Variants in PIK3R3 observed in about 807,000 individuals in gnomAD.
The protein encoded by PIK3R3 is phosphatidylinositol 3-kinase regulatory subunit gamma.
PIK3R3 carries 64 observed loss-of-function variants against 62.9 expected under a neutral mutation model. The ratio of observed to expected loss-of-function variants is 1.02; its 90% CI spans 0.83 to 1.25. The LOEUF (loss-of-function observed/expected upper bound fraction) is 1.25, where lower values mean the gene tolerates loss of function less well. Ranked by LOEUF, PIK3R3 falls within the 50% of genes most tolerant of loss-of-function variation. PIK3R3 has a pLI of 0.00. For synonymous variants in PIK3R3, 165 were observed against 189.0 expected (o/e 0.87, Z 1.04); for missense variants, 614 against 561.6 (o/e 1.09, Z -0.94).
chr1:46,140,170 T>A, the PIK3R3 span, among the ~76,000 whole-genome samples: 1 of 152,134 alleles, frequency 6.6e-6, no homozygotes, highest in East Asian at 1.9e-4. Flanking sequence ...TTATTTTTAT[T>A]TTTTGTAGAG....
the PIK3R3 span, among the ~76,000 whole-genome samples, chr1:46,146,078 C>T: frequency 6.6e-6 from 1 of 152,198 alleles, no homozygotes; most frequent in East Asian, 1.9e-4. Context: ...CCCTCTTTTT[C>T]ATGTCTAACG....
At chr1:46,045,616 G>GTTTTTTTTTTTTTTTTTTTT (rs1357786582) in intron 9 of PIK3R3, among the ~76,000 whole-genome samples, 1 of 16,532 alleles carries the variant, frequency 6.0e-5, no homozygotes, top group Non-Finnish European at 1.2e-4. Context: ...ACAATTAAGT[G>GTTTTTTTTTTTTTTTTTTTT]CTTTTTTTTT....
rs1211152492 is a variant in PIK3R3, at chr1:46,042,994, T to A, written c.*679A>T. 9.1e-6 allele frequency: 2 copies of A among 220,316 alleles called. No individual in the cohort carries two copies. Among genetic ancestry groups the A allele is most frequent in the Non-Finnish European group, 1.8e-5 (2 of 109,710 alleles). 13.6% of individuals were successfully genotyped at this position (220,316 alleles called of 1,614,324 possible). A position where few individuals can be genotyped will look rare whatever the true frequency, so the allele number is the denominator to read the frequency against. On this transcript the variant is annotated 3_prime_UTR_variant, in exon 10 of 10. Coordinates refer to ENST00000262741, the MANE Select transcript of PIK3R3 (RefSeq NM_003629.4). The surrounding 1 kb of genome is among the most constrained non-coding windows in gnomAD (Gnocchi z 4.3). The stretch of plus-strand genomic sequence containing the variant: ...AGTGCCACGTTTTCCCATCAAACAT[T>A]GGTCTGGCAACAAACTGTTTTGTTG...
chr1:46,061,870 T>C (rs763024173), intron 6 of PIK3R3, 59 bp downstream of exon 6: 72 of 1,501,088 alleles, frequency 4.8e-5, no homozygotes, highest in East Asian at 9.0e-5. Context: ...ACAGAAATTA[T>C]TGGGGAAGAA....
chr1:46,149,351 G>T, the PIK3R3 span, among the ~76,000 whole-genome samples: 1 of 149,688 alleles, frequency 6.7e-6, no homozygotes. Context: ...GAACCCAGGA[G>T]GTAGAGGTTG....
chr1:46,061,971 A>T lies in PIK3R3; in HGVS notation c.722T>A (p.Ile241Asn). The change falls in exon 6 of 10, where the codon ATT becomes AAT. Residue 241 changes from isoleucine (I) to asparagine (N), a missense_variant. Transcript: ENST00000262741. ...HTQEQHSKEYIERFRREGNEK... is the reference protein window; with the variant it reads ...HTQEQHSKEYNERFRREGNEK... ...ATTCCCCTCTCTGCGAAATCGCTCA[A>T]TATATTCTTTGCTATGTTGTTCTTG... The T allele has an allele frequency of 6.2e-7, 1 of 1,613,398 alleles. No individual in the cohort carries two copies. Among genetic ancestry groups the T allele is most frequent in the African/African-American group, 1.3e-5 (1 of 75,034 alleles).
rs1646975289 is a variant in PIK3R3, at chr1:46,040,441, T to A, written c.*3232A>T. On this transcript the variant is annotated 3_prime_UTR_variant, in exon 10 of 10. Transcript: ENST00000262741. Reference sequence around the variant, plus strand: ...GACACATCAAAGACAACAGAATAGATTTTTCACAAGTAACGGCACCAAAGT... The same window carrying A: ...GACACATCAAAGACAACAGAATAGAATTTTCACAAGTAACGGCACCAAAGT... 1 of 230,790 alleles carries A rather than the reference T, an allele frequency of 4.3e-6. No individual in the cohort carries two copies. The highest frequency in any genetic ancestry group is 5.6e-5 in the Admixed American group (1 of 17,714). 14.3% of individuals were successfully genotyped at this position (230,790 alleles called of 1,614,324 possible).
chr1:46,085,999 C>G (rs1445730455), intron 1 of PIK3R3, among the ~76,000 whole-genome samples: 2 of 152,170 alleles, frequency 1.3e-5, no homozygotes, highest in African/African-American at 2.4e-5. Context: ...CTTGGCCTCC[C>G]AAAGTGCTGG....
chr1:46,090,526 G>T (rs1216516099), intron 1 of PIK3R3, among the ~76,000 whole-genome samples: 1 of 151,790 alleles, frequency 6.6e-6, no homozygotes, highest in Non-Finnish European at 1.5e-5. Flanking sequence ...TAGAGATGGG[G>T]GTTTCACCAT....
At chr1:46,143,981 G>A in the PIK3R3 span, among the ~76,000 whole-genome samples, 1 of 152,090 alleles carries the variant, frequency 6.6e-6, no homozygotes, top group Non-Finnish European at 1.5e-5. Context: ...TCATTGTAGT[G>A]GATACTTTTT....
intron 6 of PIK3R3, among the ~76,000 whole-genome samples, chr1:46,060,172 T>C (rs998399154): frequency 4.0e-5 from 6 of 151,470 alleles, no homozygotes; most frequent in African/African-American, 1.5e-4. Context: ...CAAATCCTTT[T>C]CTGTTTCTTC....
chr1:46,158,281 T>C, the PIK3R3 span, among the ~76,000 whole-genome samples: 13 of 152,202 alleles, frequency 8.5e-5, no homozygotes, highest in African/African-American at 2.4e-4. Context: ...CTTAATTAAC[T>C]CACTTTAGAG....
chr1:46,165,677 C>T, the PIK3R3 span, among the ~76,000 whole-genome samples: 2 of 150,304 alleles, frequency 1.3e-5, no homozygotes, highest in East Asian at 3.9e-4. Context: ...CAGGGCCAAA[C>T]CGTAAGTGGT....
chr1:46,068,005 G>A (rs1173290518), intron 3 of PIK3R3, among the ~76,000 whole-genome samples: 2 of 152,150 alleles, frequency 1.3e-5, no homozygotes, highest in African/African-American at 4.8e-5. Flanking sequence ...CAGCACGCAG[G>A]CTTATGCCCC....
rs760298345 is a variant in PIK3R3, at chr1:46,061,917, A to G, written c.764+12T>C. 1.8e-5 allele frequency: 29 copies of G among 1,610,098 alleles called. No individual in the cohort carries two copies. In the Admixed American group the frequency reaches 4.8e-4, roughly 27 times the overall value. On this transcript the variant is annotated intron_variant, in intron 6 of 9. Coordinates refer to ENST00000262741, the MANE Select transcript of PIK3R3 (RefSeq NM_003629.4). ...TCTCACTGATGCCCTTGGAGGTACT[A>G]AGTAGACTTACCGTTCAATCTCCTT...
At chr1:46,174,216 C>T in the PIK3R3 span, among the ~76,000 whole-genome samples, 2 of 152,120 alleles carry the variant, frequency 1.3e-5, no homozygotes, top group South Asian at 4.1e-4. Context: ...TACATGTCTG[C>T]ATGTGTTTGT....
At chr1:46,091,624 T>C (rs924735179) in intron 1 of PIK3R3, among the ~76,000 whole-genome samples, 3 of 152,110 alleles carry the variant, frequency 2.0e-5, no homozygotes, top group African/African-American at 7.2e-5. Context: ...TATTAATTCA[T>C]TGTAATAATC....
chr1:46,083,032 T>C (rs1156304936), intron 1 of PIK3R3, among the ~76,000 whole-genome samples: 5 of 152,126 alleles, frequency 3.3e-5, no homozygotes, highest in African/African-American at 1.2e-4. Context: ...TGAGCCGAGA[T>C]TGCACCACTG....
Position 46,061,919 on chromosome 1 carries a change from G to C in PIK3R3, c.764+10C>G, listed in dbSNP as rs565153228. The C allele has an allele frequency of 6.2e-7, 1 of 1,611,100 alleles. No individual in the cohort carries two copies. The highest frequency in any genetic ancestry group is 1.1e-5 in the South Asian group (1 of 90,906). On this transcript the variant is annotated intron_variant, in intron 6 of 9. Transcript: ENST00000262741. The stretch of plus-strand genomic sequence containing the variant: ...TCACTGATGCCCTTGGAGGTACTAA[G>C]TAGACTTACCGTTCAATCTCCTTTT...
Sources: allele counts gnomAD v4.1 joint callset (sites outside exome capture counted in the v4.1 genomes callset), GRCh38; gene constraint gnomAD v4.1.1; non-coding constraint Gnocchi (gnomAD v3.1); transcripts MANE v1.5; gene names NCBI Gene and HGNC (gene_info 2026-07-23, HGNC 2026-07-21).